SPIN1: variants seen among roughly 807,000 people sequenced by gnomAD.
SPIN1 encodes the protein spindlin 1.
A neutral mutation model predicts 26.0 loss-of-function variants in SPIN1; 3 were observed. The ratio of observed to expected loss-of-function variants is 0.12; its 90% CI spans 0.05 to 0.30. SPIN1 has a LOEUF of 0.30. Ranked by LOEUF, SPIN1 falls within the 10% of genes least tolerant of loss-of-function variation. The pLI is 1.00. For missense variants in SPIN1, 126 were observed against 333.4 expected, an observed-to-expected ratio of 0.38 and a Z score of 4.84; for synonymous variants, 101 against 116.5, an observed-to-expected ratio of 0.87 and a Z score of 0.86.
chr9:88,406,038 T>TGTGTGTAC (rs1554691972), intron 1 of SPIN1, among the ~76,000 whole-genome samples: 170 of 148,404 alleles, frequency 1.1e-3, no homozygotes, highest in Admixed American at 1.9e-3. Flanking sequence ...TGTGTGTGTG[T>TGTGTGTAC]GTGTACGTGT....
chr9:88,468,826 T>A (rs1344302101), intron 5 of SPIN1, among the ~76,000 whole-genome samples: 1 of 152,196 alleles, frequency 6.6e-6, no homozygotes, highest in African/African-American at 2.4e-5. Flanking sequence ...TGTAATAAGA[T>A]ACAAGTTGTT....
intron 1 of SPIN1, among the ~76,000 whole-genome samples, chr9:88,408,654 T>G (rs1390382300): frequency 6.7e-6 from 1 of 150,236 alleles, no homozygotes; most frequent in Non-Finnish European, 1.5e-5. Context: ...GGATTACAGG[T>G]GTGAGCCACC....
Position 88,468,506 on chromosome 9 carries a change from A to C in SPIN1, c.490A>C (p.Thr164Pro). 6.2e-7 allele frequency: 1 copy of C among 1,613,478 alleles called. No homozygotes were observed. The highest frequency in any genetic ancestry group is 8.5e-7 in the Non-Finnish European group (1 of 1,179,750). ...CTTAGCACGTGCACCTGTCATGAAC[A>C]CATGGTTTTACATTACCTATGAGAA... ...MVLARAPVMN[T>P]WFYITYEKDP... Residue 164 changes from threonine to proline, a missense_variant, in exon 5 of 6, where the codon ACA becomes CCA. Physicochemically the swap from Thr to Pro is conservative, Grantham distance 38. This residue lies in a region of SPIN1 where 10 missense variants were observed against 44.5 expected (regional missense o/e 0.22). Transcript: ENST00000375859.
In SPIN1 at chr9:88,393,832, A is replaced by G. The variant is rs563991273; in HGVS notation, c.-159+5294A>G. Among the ~76,000 whole-genome samples the G allele has an allele frequency of 5.3e-5, 8 of 150,856 alleles. No individual in the cohort carries two copies. The East Asian group carries it at 1.6e-3, about 30-fold the overall frequency. ...CATCATTGTAGACCCATGGATTTTT[A>G]TGTATCCAATGTGTGTTTTTGGTTT... On this transcript the variant is annotated intron_variant, in intron 1 of 5. Coordinates refer to ENST00000375859, the MANE Select transcript of SPIN1 (RefSeq NM_006717.3).
intron 1 of SPIN1, among the ~76,000 whole-genome samples, chr9:88,403,743 T>G (rs1827236375): frequency 6.6e-6 from 1 of 152,170 alleles, no homozygotes; most frequent in African/African-American, 2.4e-5. Flanking sequence ...AAAACCACTA[T>G]TAAGTGTTCT....
At chr9:88,450,763 C>T (rs150178158) in intron 3 of SPIN1, among the ~76,000 whole-genome samples, 168 of 152,266 alleles carry the variant, frequency 1.1e-3, no homozygotes, top group African/African-American at 3.9e-3. Flanking sequence ...GTTGTGAGTC[C>T]CATTTTCCTA....
chr9:88,418,630 T>TA (rs761661083), intron 1 of SPIN1: 1 of 152,374 alleles, frequency 6.6e-6, no homozygotes. Context: ...AATACTTTGA[T>TA]ATGACTCTGT....
intron 2 of SPIN1, among the ~76,000 whole-genome samples, chr9:88,430,876 A>AT (rs1372139120): frequency 1.5e-5 from 2 of 130,188 alleles, no homozygotes; most frequent in African/African-American, 3.0e-5. Flanking sequence ...TTTATGATAT[A>AT]TTTTTTCTTT....
intron 1 of SPIN1, among the ~76,000 whole-genome samples, chr9:88,405,605 G>A (rs1587775878): frequency 7.5e-6 from 1 of 133,500 alleles, no homozygotes; most frequent in Non-Finnish European, 1.6e-5. Context: ...GTGCAGTGGC[G>A]CGACCTCATC....
rs776223657 is a variant in SPIN1, at chr9:88,436,754, C to CTTTTTTT, written c.52+10185_52+10191dup. Among the ~76,000 whole-genome samples the CTTTTTTT allele has an allele frequency of 5.5e-4, 54 of 98,796 alleles. 2 individuals carry two copies. Among genetic ancestry groups the CTTTTTTT allele is most frequent in the Middle Eastern group, 6.4e-3 (1 of 156 alleles). 64.8% of individuals were successfully genotyped at this position (98,796 alleles called of 152,430 possible). A position where few individuals can be genotyped will look rare whatever the true frequency, so the allele number is the denominator to read the frequency against. On this transcript the variant is annotated intron_variant, in intron 2 of 5. Transcript: ENST00000375859. ...ATATGCACATAAATTTCCTCTGTGT[C>CTTTTTTT]TTTTTTTTTTTTTTTTTTTTTTTTT... is the stretch of plus-strand genomic sequence containing the variant.
intron 1 of SPIN1, among the ~76,000 whole-genome samples, chr9:88,392,986 A>G (rs1227025026): frequency 6.6e-6 from 1 of 152,182 alleles, no homozygotes; most frequent in East Asian, 1.9e-4. Context: ...CCTGTGTTTT[A>G]GAACAGTATG....
intron 2 of SPIN1, among the ~76,000 whole-genome samples, chr9:88,431,011 T>A (rs533852741): frequency 2.8e-4 from 42 of 152,006 alleles, no homozygotes; most frequent in African/African-American, 9.6e-4. Flanking sequence ...GCCTCCCAAG[T>A]GGCTGGGATT....
At chr9:88,423,577 T>C (rs1824683200) in intron 1 of SPIN1, among the ~76,000 whole-genome samples, 1 of 151,092 alleles carries the variant, frequency 6.6e-6, no homozygotes, top group African/African-American at 2.4e-5. Context: ...TAGCTGGGAT[T>C]ACAGGTATGC....
At chr9:88,419,973 G>T (rs1304472920) in intron 1 of SPIN1, among the ~76,000 whole-genome samples, 1 of 152,158 alleles carries the variant, frequency 6.6e-6, no homozygotes, top group Non-Finnish European at 1.5e-5. Flanking sequence ...TTTCTCTATT[G>T]TCCTGTTTTT....
chr9:88,443,171 A>T (rs1349861801), intron 2 of SPIN1, among the ~76,000 whole-genome samples: 1 of 150,162 alleles, frequency 6.7e-6, no homozygotes, highest in Non-Finnish European at 1.5e-5. Flanking sequence ...CATTGATTCT[A>T]TTCCTTTCTT....
intron 3 of SPIN1, among the ~76,000 whole-genome samples, chr9:88,458,680 A>G (rs998617310): frequency 6.6e-6 from 1 of 152,146 alleles, no homozygotes; most frequent in East Asian, 1.9e-4. Flanking sequence ...GAGAGAGAGA[A>G]AAACACATGA....
At chr9:88,402,314 G>A (rs1827203623) in intron 1 of SPIN1, among the ~76,000 whole-genome samples, 1 of 152,078 alleles carries the variant, frequency 6.6e-6, no homozygotes, top group South Asian at 2.1e-4. Flanking sequence ...ATTGCTGTGT[G>A]CTGGTAACAT....
intron 2 of SPIN1, among the ~76,000 whole-genome samples, chr9:88,447,922 C>T (rs926572348): frequency 1.3e-5 from 2 of 152,194 alleles, no homozygotes; most frequent in Non-Finnish European, 1.5e-5. Context: ...TGCTGCCTAT[C>T]AGCCAGCATC....
rs1828916473 is a variant in SPIN1 at position 88,477,924 on chromosome 9, C to G, written c.*2647C>G. On this transcript the variant is annotated 3_prime_UTR_variant, in exon 6 of 6. Coordinates refer to ENST00000375859, the MANE Select transcript of SPIN1 (RefSeq NM_006717.3). ...AGCAGACCATCCTTTTTTGCATGCT[C>G]TATTCTAAGTAGAATGTTCAATGTA... 1 of 152,120 alleles carries G rather than the reference C, an allele frequency of 6.6e-6. No individual in the cohort carries two copies. Among genetic ancestry groups the G allele is most frequent in the African/African-American group, 2.4e-5 (1 of 41,418 alleles). The allele number at this position is 152,120 out of a possible 1,614,324, so 9.4% of individuals were successfully genotyped here. A position where few individuals can be genotyped will look rare whatever the true frequency, so the allele number is the denominator to read the frequency against.
Sources: allele counts gnomAD v4.1 joint callset (sites outside exome capture counted in the v4.1 genomes callset), GRCh38; gene constraint gnomAD v4.1.1; regional missense constraint gnomAD v4.1.1; transcripts MANE v1.5; gene names NCBI Gene and HGNC (gene_info 2026-07-23, HGNC 2026-07-21).